RERG: variants seen among roughly 807,000 people sequenced by gnomAD.
The protein encoded by RERG is RAS like estrogen regulated growth inhibitor.
A neutral mutation model predicts 23.2 loss-of-function variants in RERG; 25 were observed. The observed-to-expected ratio is 1.08, with a 90% confidence interval of 0.79 to 1.50. The LOEUF (loss-of-function observed/expected upper bound fraction) is 1.50. RERG is among the 40% of genes most tolerant of loss of function. The pLI, the probability that RERG is intolerant of heterozygous loss-of-function variation, is 0.00. For missense variants in RERG, 253 were observed against 250.1 expected (o/e 1.01, Z -0.08); for synonymous variants, 81 against 89.1 (o/e 0.91, Z 0.51).
chr12:15,123,090 C>CCAGACTA (rs1419278300), intron 2 of RERG, among the ~76,000 whole-genome samples: 1 of 152,106 alleles, frequency 6.6e-6, no homozygotes, highest in East Asian at 1.9e-4. Flanking sequence ...AGCCACCGCG[C>CCAGACTA]CCGGCCAGAC....
chr12:15,184,631 G>GCCC (rs1864966241), intron 2 of RERG, among the ~76,000 whole-genome samples: 1 of 152,172 alleles, frequency 6.6e-6, no homozygotes, highest in South Asian at 2.1e-4. Flanking sequence ...TGTTTGAAGT[G>GCCC]ATGAATTTAA....
intron 2 of RERG, among the ~76,000 whole-genome samples, chr12:15,131,312 T>A (rs993083701): frequency 1.3e-5 from 2 of 151,856 alleles, no homozygotes; most frequent in South Asian, 2.1e-4. Context: ...ATATTATTTA[T>A]GTTAATTTTA....
chr12:15,190,011 C>A (rs906225773), intron 2 of RERG, among the ~76,000 whole-genome samples: 1 of 152,052 alleles, frequency 6.6e-6, no homozygotes, highest in Non-Finnish European at 1.5e-5. Flanking sequence ...TTCTCAGTAA[C>A]AGTAAGATAA....
In RERG at chr12:15,108,899, A is replaced by C. The variant is rs1421112793; in HGVS notation, c.*211T>G. ...ACATGTTCAAATGCCATTAGAGTGTATCTTATTCAAGCAGGAAAGGAAGAA... is the reference window on the plus strand; with the variant it reads ...ACATGTTCAAATGCCATTAGAGTGTCTCTTATTCAAGCAGGAAAGGAAGAA... On this transcript the variant is annotated 3_prime_UTR_variant, in exon 5 of 5. Transcript: ENST00000256953. 1.9e-6 allele frequency: 1 copy of C among 524,404 alleles called. No homozygotes were observed. Among genetic ancestry groups the C allele is most frequent in the Non-Finnish European group, 3.3e-6 (1 of 300,820 alleles). The allele number at this position is 524,404 out of a possible 1,614,324, so 32.5% of individuals were successfully genotyped here. A position where few individuals can be genotyped will look rare whatever the true frequency, so the allele number is the denominator to read the frequency against.
chr12:15,164,879 G>T (rs2136116902), intron 2 of RERG, among the ~76,000 whole-genome samples: 1 of 152,204 alleles, frequency 6.6e-6, no homozygotes, highest in South Asian at 2.1e-4. Context: ...GAATCCAAAG[G>T]GTATTATTGA....
At chr12:15,117,142 CTT>C (rs3084646) in intron 3 of RERG, among the ~76,000 whole-genome samples, 1 of 136,820 alleles carries the variant, frequency 7.3e-6, no homozygotes, top group African/African-American at 2.7e-5. Context: ...ACTGATTTAG[CTT>C]TTTTTTTTTT....
At chr12:15,121,023 A>G (rs2247568) in intron 3 of RERG, 40 bp downstream of exon 3, 942,329 of 1,416,380 alleles carry the variant, frequency 0.67, 315,230 homozygotes, top group Admixed American at 0.8. Flanking sequence ...GGGGCCATAA[A>G]TTTTTATTGA....
intron 2 of RERG, among the ~76,000 whole-genome samples, chr12:15,136,874 C>T (rs552925988): frequency 6.6e-6 from 1 of 152,032 alleles, no homozygotes; most frequent in South Asian, 2.1e-4. Flanking sequence ...GTGTATTTTG[C>T]TGTCATTGGA....
intron 2 of RERG, among the ~76,000 whole-genome samples, chr12:15,167,152 T>A (rs1209837512): frequency 6.6e-6 from 1 of 152,186 alleles, no homozygotes; most frequent in Admixed American, 6.5e-5. Flanking sequence ...TGACTTGGCC[T>A]TCCCAATTAA....
chr12:15,177,555 A>C (rs576056793), intron 2 of RERG, among the ~76,000 whole-genome samples: 1 of 152,358 alleles, frequency 6.6e-6, no homozygotes, highest in East Asian at 1.9e-4. Flanking sequence ...TGCTTAATAG[A>C]ATACCTCAAA....
chr12:15,172,698 T>C (rs1182110279), intron 2 of RERG, among the ~76,000 whole-genome samples: 1 of 152,144 alleles, frequency 6.6e-6, no homozygotes, highest in South Asian at 2.1e-4. Flanking sequence ...GTGGATCACA[T>C]TGTGGTTTTG....
At chr12:15,194,237 C>T (rs1469863660) in intron 2 of RERG, among the ~76,000 whole-genome samples, 1 of 152,096 alleles carries the variant, frequency 6.6e-6, no homozygotes, top group Non-Finnish European at 1.5e-5. Flanking sequence ...AAATAACAAA[C>T]ACTGGTTTCC....
intron 2 of RERG, among the ~76,000 whole-genome samples, chr12:15,215,868 C>T (rs934550083): frequency 3.9e-5 from 6 of 152,104 alleles, no homozygotes; most frequent in Admixed American, 2.6e-4. Flanking sequence ...AGATGGGAAA[C>T]GGATGGACGC....
At chr12:15,114,359 T>C (rs1181694667) in intron 3 of RERG, 1 of 152,054 alleles carries the variant, frequency 6.6e-6, no homozygotes, top group Non-Finnish European at 1.5e-5. Context: ...TTGATTAATA[T>C]CTAAAGTATG....
chr12:15,173,807 T>C (rs1864809243), intron 2 of RERG, among the ~76,000 whole-genome samples: 1 of 152,022 alleles, frequency 6.6e-6, no homozygotes, highest in Admixed American at 6.6e-5. Context: ...TAATAGAGTT[T>C]TGTAAATATC....
At chr12:15,131,058 T>C (rs1864037929) in intron 2 of RERG, among the ~76,000 whole-genome samples, 1 of 152,116 alleles carries the variant, frequency 6.6e-6, no homozygotes, top group Admixed American at 6.6e-5. Flanking sequence ...AGTAGAGATA[T>C]TGGAATGCTT....
chr12:15,215,389 A>G (rs1865426430), intron 2 of RERG, among the ~76,000 whole-genome samples: 1 of 152,162 alleles, frequency 6.6e-6, no homozygotes, highest in Non-Finnish European at 1.5e-5. Flanking sequence ...GAAAACAGCT[A>G]GTTAGGAGCT....
Position 15,170,061 on chromosome 12 carries a change from G to A in RERG, c.61+47368C>T, listed in dbSNP as rs1021292488. 5.9e-5 allele frequency among the ~76,000 whole-genome samples: 9 copies of A among 151,764 alleles called. No individual in the cohort carries two copies. The South Asian group carries it at 8.3e-4, about 14-fold the overall frequency. The stretch of plus-strand genomic sequence containing the variant: ...TGTATTTCTAATTGTTATAAAACCC[G>A]CCAGATTCAAAGTAAGTGAGAAATA... On this transcript the variant is annotated intron_variant, in intron 2 of 4. Coordinates refer to ENST00000256953, the MANE Select transcript of RERG (RefSeq NM_032918.3).
chr12:15,143,319 CGTGTGT>C (rs1864269481), intron 2 of RERG, among the ~76,000 whole-genome samples: 9 of 150,852 alleles, frequency 6.0e-5, no homozygotes, highest in African/African-American at 1.5e-4. Flanking sequence ...TACACACACA[CGTGTGT>C]ATGTAAATAT....
Sources: allele counts gnomAD v4.1 joint callset (sites outside exome capture counted in the v4.1 genomes callset), GRCh38; gene constraint gnomAD v4.1.1; transcripts MANE v1.5; gene names NCBI Gene and HGNC (gene_info 2026-07-23, HGNC 2026-07-21).